Variants in BLTP3A observed in about 807,000 individuals in gnomAD.
BLTP3A encodes the protein ICBP90 binding protein 1.
the BLTP3A span, chr6:34,867,244 T>G: frequency 6.2e-7 from 1 of 1,613,252 alleles, no homozygotes; most frequent in Non-Finnish European, 8.5e-7. Flanking sequence ...CAGAATCTGT[T>G]CCACCAGGAT....
the BLTP3A span, among the ~76,000 whole-genome samples, chr6:34,805,921 T>C: frequency 6.6e-6 from 1 of 152,136 alleles, no homozygotes; most frequent in African/African-American, 2.4e-5. Flanking sequence ...TTTTAAAAGG[T>C]ATTTATTTCT....
At chr6:34,865,334 T>C in the BLTP3A span, among the ~76,000 whole-genome samples, 1 of 152,248 alleles carries the variant, frequency 6.6e-6, no homozygotes, top group Non-Finnish European at 1.5e-5. Flanking sequence ...GCATATTGTC[T>C]GTCCTCCAGA....
At chr6:34,811,525 G>A in the BLTP3A span, among the ~76,000 whole-genome samples, 1 of 152,260 alleles carries the variant, frequency 6.6e-6, no homozygotes, top group Middle Eastern at 3.4e-3. Context: ...CCTGAGTCCA[G>A]GAGTTCAGCC....
chr6:34,807,392 T>C, the BLTP3A span, among the ~76,000 whole-genome samples: 1 of 152,114 alleles, frequency 6.6e-6, no homozygotes, highest in Non-Finnish European at 1.5e-5. Flanking sequence ...TGATTACAGG[T>C]GTGAGCCACT....
chr6:34,804,524 C>T, the BLTP3A span, among the ~76,000 whole-genome samples: 2 of 152,064 alleles, frequency 1.3e-5, no homozygotes, highest in African/African-American at 4.8e-5. Flanking sequence ...TGATGCCAGG[C>T]AGAGGGAGCC....
At chr6:34,801,403 T>C in the BLTP3A span, among the ~76,000 whole-genome samples, 3 of 152,108 alleles carry the variant, frequency 2.0e-5, no homozygotes, top group Admixed American at 2.0e-4. Context: ...TTGAAGGAGC[T>C]GGGGAGAGGG....
At chr6:34,828,294 T>G in the BLTP3A span, among the ~76,000 whole-genome samples, 2 of 151,638 alleles carry the variant, frequency 1.3e-5, no homozygotes, top group Non-Finnish European at 2.9e-5. Flanking sequence ...CTACTAAAAA[T>G]ACAAAAATTA....
chr6:34,836,356 A>G, the BLTP3A span: 1 of 1,612,912 alleles, frequency 6.2e-7, no homozygotes, highest in Middle Eastern at 1.7e-4. Context: ...CAGGTACCCC[A>G]TGAGGCCTGA....
At chr6:34,829,760 G>A in the BLTP3A span, among the ~76,000 whole-genome samples, 26 of 151,414 alleles carry the variant, frequency 1.7e-4, no homozygotes, top group Non-Finnish European at 3.7e-4. Context: ...TCAGCCTTTG[G>A]AGTAGTTGGG....
the BLTP3A span, chr6:34,856,849 C>A: frequency 2.5e-6 from 4 of 1,614,208 alleles, no homozygotes; most frequent in Non-Finnish European, 3.4e-6. Context: ...GGGCAGACAG[C>A]CTGCCTTTCA....
chr6:34,809,322 G>A, the BLTP3A span, among the ~76,000 whole-genome samples: 1 of 152,272 alleles, frequency 6.6e-6, no homozygotes, highest in South Asian at 2.1e-4. Context: ...GAGCCCAGGA[G>A]GTTGAGGCTG....
the BLTP3A span, chr6:34,858,881 A>T: frequency 1.9e-6 from 3 of 1,614,168 alleles, no homozygotes; most frequent in Non-Finnish European, 2.5e-6. Flanking sequence ...CTTCGCCTGA[A>T]GGAGGTGCTG....
chr6:34,835,986 G>A, the BLTP3A span, among the ~76,000 whole-genome samples: 3 of 152,128 alleles, frequency 2.0e-5, no homozygotes, highest in African/African-American at 7.2e-5. Flanking sequence ...TTGGAGTTTG[G>A]GTTATATAAT....
the BLTP3A span, chr6:34,870,777 A>G: frequency 2.6e-6 from 4 of 1,514,720 alleles, no homozygotes; most frequent in Non-Finnish European, 3.6e-6. Context: ...TAGGGTTATT[A>G]TGAATATTGG....
chr6:34,811,062 T>G, the BLTP3A span, among the ~76,000 whole-genome samples: 1 of 152,230 alleles, frequency 6.6e-6, no homozygotes, highest in Non-Finnish European at 1.5e-5. Flanking sequence ...CACACTTTTA[T>G]CGAATTTATC....
At chr6:34,855,202 T>C in the BLTP3A span, among the ~76,000 whole-genome samples, 1 of 152,204 alleles carries the variant, frequency 6.6e-6, no homozygotes, top group East Asian at 1.9e-4. Context: ...GGAAATAATA[T>C]AGGTTATTGT....
chr6:34,841,908 G>T, the BLTP3A span, among the ~76,000 whole-genome samples: 18 of 152,198 alleles, frequency 1.2e-4, no homozygotes, highest in South Asian at 3.5e-3. Context: ...TTTCTCTTAG[G>T]GTAAAGCCTG....
At chr6:34,820,109 A>T in the BLTP3A span, among the ~76,000 whole-genome samples, 4,328 of 152,128 alleles carry the variant, frequency 0.028, 180 homozygotes, top group African/African-American at 0.095. Flanking sequence ...TTAGCCTGTT[A>T]CTGTTTCACA....
chr6:34,871,928 G>A, the BLTP3A span: 1 of 1,613,692 alleles, frequency 6.2e-7, no homozygotes, highest in South Asian at 1.1e-5. Context: ...AACAGCAGGT[G>A]AGGACCTAAC....
Sources: allele counts gnomAD v4.1 joint callset (sites outside exome capture counted in the v4.1 genomes callset), GRCh38; gene constraint gnomAD v4.1.1; transcripts MANE v1.5; gene names NCBI Gene and HGNC (gene_info 2026-07-23, HGNC 2026-07-21).